GADL1: variants seen among roughly 807,000 people sequenced by gnomAD.
The protein encoded by GADL1 is GAD like acidic amino acid decarboxylase 1.
GADL1 carries 71 observed loss-of-function variants against 69.5 expected under a neutral mutation model. That is an observed-to-expected ratio of 1.02 (90% CI 0.84 to 1.25). The LOEUF is 1.25. Ranked by LOEUF, GADL1 falls within the 50% of genes most tolerant of loss-of-function variation. The probability of loss-of-function intolerance (pLI) is 0.00; values close to 1 mark genes in which losing one functional copy is unlikely to be tolerated. For missense variants in GADL1, 737 were observed against 631.8 expected, an observed-to-expected ratio of 1.17 and a Z score of -1.79; for synonymous variants, 254 against 214.4, an observed-to-expected ratio of 1.18 and a Z score of -1.62.
In GADL1 at chr3:30,807,947, G is replaced by A. The variant is rs946673696; in HGVS notation, c.1051-6859C>T. Among the ~76,000 whole-genome samples the A allele has an allele frequency of 4.3e-5, 6 of 140,180 alleles. 1 individual carries two copies. Among genetic ancestry groups the A allele is most frequent in the Middle Eastern group, 7.1e-3 (2 of 282 alleles). The allele number at this position is 140,180 out of a possible 152,430, so 92.0% of individuals were successfully genotyped here. ...CTCGGGAGGCTGAGGCAGAAGAATC[G>A]TTTGAACCCGGGAGGTGGAGATTGC... On this transcript the variant is annotated intron_variant, in intron 11 of 14. Transcript: ENST00000282538.
chr3:30,892,357 C>CA (rs1361794992), intron 1 of GADL1, among the ~76,000 whole-genome samples: 2 of 152,186 alleles, frequency 1.3e-5, no homozygotes, highest in Non-Finnish European at 2.9e-5. Flanking sequence ...TCTCATCATA[C>CA]ATACTTGGAG....
chr3:30,883,586 T>C (rs1046722408), intron 1 of GADL1, among the ~76,000 whole-genome samples: 4 of 152,068 alleles, frequency 2.6e-5, no homozygotes, highest in African/African-American at 9.7e-5. Context: ...GTGAGTCCTC[T>C]AAATTTCTTT....
At chr3:30,759,545 G>A (rs547705464) in intron 14 of GADL1, among the ~76,000 whole-genome samples, 165 of 152,260 alleles carry the variant, frequency 1.1e-3, no homozygotes, top group Non-Finnish European at 1.4e-3. Flanking sequence ...ACTGAGACAC[G>A]TTCCCACAGT....
Position 30,770,101 on chromosome 3 carries a change from T to G in GADL1, c.1392+8078A>C, listed in dbSNP as rs1037379097. ...TCATGATTAGGAGCTGAGTAGAGGT[T>G]GTTCCCTTTAGCTGGGACCAATATA... On this transcript the variant is annotated intron_variant, in intron 14 of 14. Coordinates refer to ENST00000282538, the MANE Select transcript of GADL1 (RefSeq NM_207359.3). Among the ~76,000 whole-genome samples the G allele has an allele frequency of 4.6e-5, 7 of 152,220 alleles. No individual in the cohort carries two copies. In the East Asian group the frequency reaches 1.2e-3, roughly 25 times the overall value.
At chr3:30,752,908 C>T (rs959151854) in intron 14 of GADL1, among the ~76,000 whole-genome samples, 5 of 152,086 alleles carry the variant, frequency 3.3e-5, no homozygotes, top group Non-Finnish European at 7.3e-5. Flanking sequence ...TGATGGCAAG[C>T]TGGTAGGGCT....
intron 4 of GADL1, among the ~76,000 whole-genome samples, chr3:30,853,420 C>T (rs1282886826): frequency 6.6e-6 from 1 of 152,148 alleles, no homozygotes; most frequent in East Asian, 1.9e-4. Flanking sequence ...CCACGTCCAC[C>T]ATTTCAATTA....
At position 30,744,935 on chromosome 3, in the gene GADL1, C is replaced by T. The variant is rs570043075; in HGVS notation, c.1393-16520G>A. ...GTAGAATAAGAAACACGAACAGCGG[C>T]GAACGAAATCTAAATAACAAGCCTA... On this transcript the variant is annotated intron_variant, in intron 14 of 14. Transcript: ENST00000282538. Among the ~76,000 whole-genome samples, 7 of 152,192 alleles carry T rather than the reference C, an allele frequency of 4.6e-5. No homozygotes were observed. The East Asian group carries it at 1.4e-3, about 29-fold the overall frequency.
intron 12 of GADL1, among the ~76,000 whole-genome samples, chr3:30,795,025 T>C (rs1420396490): frequency 6.6e-6 from 1 of 152,188 alleles, no homozygotes; most frequent in Non-Finnish European, 1.5e-5. Flanking sequence ...ATATTTTAGC[T>C]ATAAGAGCCT....
intron 11 of GADL1, among the ~76,000 whole-genome samples, chr3:30,821,088 A>T (rs1056074396): frequency 1.3e-5 from 2 of 152,016 alleles, no homozygotes; most frequent in Admixed American, 1.3e-4. Context: ...AAAACCAAAC[A>T]CCACATGTTC....
chr3:30,894,413 G>A (rs1174648124), intron 1 of GADL1, among the ~76,000 whole-genome samples, 165 bp downstream of exon 1: 2 of 152,206 alleles, frequency 1.3e-5, no homozygotes, highest in African/African-American at 2.4e-5. Context: ...AACCTTTTAG[G>A]TACGGAAAAC....
chr3:30,754,104 G>A (rs890264382), intron 14 of GADL1, among the ~76,000 whole-genome samples: 1 of 152,206 alleles, frequency 6.6e-6, no homozygotes, highest in African/African-American at 2.4e-5. Context: ...AAAAGCGTCT[G>A]ATTGCTAATG....
chr3:30,813,104 T>C (rs927881270), intron 11 of GADL1, among the ~76,000 whole-genome samples: 30 of 152,196 alleles, frequency 2.0e-4, no homozygotes, highest in African/African-American at 6.3e-4. Context: ...ATCTGGGAAC[T>C]GATGCATAGT....
chr3:30,870,998 A>G (rs1698472791), intron 1 of GADL1, among the ~76,000 whole-genome samples: 1 of 151,144 alleles, frequency 6.6e-6, no homozygotes, highest in African/African-American at 2.4e-5. Flanking sequence ...GATTCATGCC[A>G]TGGACATTCA....
At chr3:30,760,656 C>CAT (rs1461189164) in intron 14 of GADL1, among the ~76,000 whole-genome samples, 1 of 152,182 alleles carries the variant, frequency 6.6e-6, no homozygotes, top group African/African-American at 2.4e-5. Flanking sequence ...CTCTGACAAA[C>CAT]ATTCCAAAGG....
chr3:30,884,568 C>T (rs1487480426), intron 1 of GADL1, among the ~76,000 whole-genome samples: 1 of 152,060 alleles, frequency 6.6e-6, no homozygotes, highest in African/African-American at 2.4e-5. Flanking sequence ...ACTTATTTTT[C>T]TATCATATTT....
intron 4 of GADL1, 77 bp from the exon 5 acceptor site, chr3:30,851,018 A>T (rs896791340): frequency 7.1e-6 from 6 of 850,184 alleles, no homozygotes; most frequent in Non-Finnish European, 9.3e-6. Context: ...AAATGCACAG[A>T]GTTCTATTAA....
At chr3:30,746,118 A>G (rs756533454) in intron 14 of GADL1, among the ~76,000 whole-genome samples, 6 of 151,936 alleles carry the variant, frequency 3.9e-5, no homozygotes, top group Non-Finnish European at 8.8e-5. Context: ...CCTCCCGAGT[A>G]GCTGGGATTG....
At chr3:30,797,096 T>A (rs1697048529) in intron 12 of GADL1, among the ~76,000 whole-genome samples, 1 of 151,934 alleles carries the variant, frequency 6.6e-6, no homozygotes, top group Admixed American at 6.6e-5. Context: ...CAATCAGGAG[T>A]TTAAAGTGGG....
chr3:30,732,479 C>A (rs548472522), intron 14 of GADL1, among the ~76,000 whole-genome samples: 1 of 152,058 alleles, frequency 6.6e-6, no homozygotes, highest in Non-Finnish European at 1.5e-5. Flanking sequence ...CTCTCCCTAC[C>A]CCTGAGTTAT....
Sources: allele counts gnomAD v4.1 joint callset (sites outside exome capture counted in the v4.1 genomes callset), GRCh38; gene constraint gnomAD v4.1.1; transcripts MANE v1.5; gene names NCBI Gene and HGNC (gene_info 2026-07-23, HGNC 2026-07-21).